Variants in TMEM63A observed in about 807,000 individuals in gnomAD.
TMEM63A encodes mechanosensitive cation channel TMEM63A.
A neutral mutation model predicts 100.6 loss-of-function variants in TMEM63A; 76 were observed. That is an observed-to-expected ratio of 0.76 (90% confidence interval 0.63 to 0.91). TMEM63A has a LOEUF of 0.91. Among genes scored for constraint, TMEM63A ranks in the 40% least tolerant of loss-of-function variants. The pLI, the probability that TMEM63A is intolerant of heterozygous loss-of-function variation, is 0.00. For synonymous variants in TMEM63A, 401 were observed against 401.1 expected, an observed-to-expected ratio of 1.00 and a Z score of 0.00; for missense variants, 876 against 1,008.8, an observed-to-expected ratio of 0.87 and a Z score of 1.78.
rs528939547 is a variant in TMEM63A, at chr1:225,862,144, C to A, written c.1085+74G>T. On this transcript the variant is annotated intron_variant, in intron 13 of 24. Transcript: ENST00000366835. The surrounding 1 kb of genome is among the most constrained non-coding windows in gnomAD (Gnocchi z 5.1). Reference sequence around the variant, plus strand: ...GTGGGTCAGCAGTACCATCTCCACTCGAGAGGGACAGTGAGTTATCTGGAG... The same window carrying A: ...GTGGGTCAGCAGTACCATCTCCACTAGAGAGGGACAGTGAGTTATCTGGAG... 25 of 1,584,388 alleles carry A rather than the reference C, an allele frequency of 1.6e-5. No individual in the cohort carries two copies. Among genetic ancestry groups the A allele is most frequent in the Middle Eastern group, 2.3e-4 (1 of 4,410 alleles).
intron 6 of TMEM63A, among the ~76,000 whole-genome samples, chr1:225,869,710 G>A (rs566474344): frequency 7.9e-6 from 1 of 126,630 alleles, no homozygotes; most frequent in South Asian, 2.4e-4. Flanking sequence ...CACTCAGGCT[G>A]GAGTTGCAGT....
rs1047221045 is a variant in TMEM63A at position 225,852,834 on chromosome 1, C to G, written c.1798-65G>C. 51 of 1,457,400 alleles carry G rather than the reference C, an allele frequency of 3.5e-5. No homozygotes were observed. In the Middle Eastern group the frequency reaches 3.0e-3, roughly 87 times the overall value. 90.3% of individuals were successfully genotyped at this position (1,457,400 alleles called of 1,614,324 possible). On this transcript the variant is annotated intron_variant, in intron 19 of 24. Transcript: ENST00000366835. ...CACCTCAAACACCCTTTTGTGCTCT[C>G]TAAGTGGTGATGGGAGAGCAGGGTG...
chr1:225,853,822 T>G lies in TMEM63A; in HGVS notation c.1635-31A>C. ...GAAACCAGGGCCCAGGTCTGTGAGC[T>G]GAGAGCCGCTCTTGGAGGGAGAGGA... On this transcript the variant is annotated intron_variant, in intron 18 of 24. Transcript: ENST00000366835. The surrounding 1 kb of genome is among the most constrained non-coding windows in gnomAD (Gnocchi z 4.0). 6.4e-7 allele frequency: 1 copy of G among 1,552,160 alleles called. No individual in the cohort carries two copies. Among genetic ancestry groups the G allele is most frequent in the Non-Finnish European group, 8.7e-7 (1 of 1,149,528 alleles).
At chr1:225,845,079 C>T (rs1668831237), downstream of TMEM63A, 2 of 1,569,190 alleles carry the variant, frequency 1.3e-6, no homozygotes, top group Non-Finnish European at 1.8e-6. Flanking sequence ...GCTTTAACCC[C>T]CTGCTGTGCA....
intron 9 of TMEM63A, 144 bp from the exon 10 acceptor site, chr1:225,866,111 G>A (rs1436524109): frequency 5.1e-6 from 4 of 781,200 alleles, no homozygotes; most frequent in African/African-American, 1.7e-5. Flanking sequence ...GGCCGGGGGA[G>A]CCCCCAAAGC....
chr1:225,844,636 G>A, downstream of TMEM63A: 1 of 1,613,756 alleles, frequency 6.2e-7, no homozygotes, highest in Non-Finnish European at 8.5e-7. Flanking sequence ...GAGCCTGGCT[G>A]AGCCGAGAAC....
chr1:225,858,839 G>A (rs1280192324), intron 15 of TMEM63A, among the ~76,000 whole-genome samples: 1 of 151,972 alleles, frequency 6.6e-6, no homozygotes, highest in East Asian at 1.9e-4. Context: ...ATGCTTGATA[G>A]TCTACCAACC....
chr1:225,859,230 T>A lies in TMEM63A; in HGVS notation c.1343A>T (p.Lys448Met). 1 of 1,614,100 alleles carries A rather than the reference T, an allele frequency of 6.2e-7. No individual in the cohort carries two copies. Among genetic ancestry groups the A allele is most frequent in the Non-Finnish European group, 8.5e-7 (1 of 1,180,028 alleles). ...ATGGATGGGTTTGGTGACATTAAAC[T>A]TGTCCATGGTGGACAGGATGATGGA... ...TPSIILSTMD[K>M]FNVTKPIHAL... is the part of the protein sequence containing the mutation. The change falls in exon 15 of 25, where the codon AAG (lysine) becomes ATG (methionine). Residue 448 changes from lysine (K) to methionine (M), a missense_variant. By Grantham distance (95) the Lys-to-Met change is moderately conservative (BLOSUM62 -1). Around this residue, in one of 5 missense-constraint regions of TMEM63A, gnomAD observed 487 missense variants for 581.9 expected, o/e 0.84. Transcript: ENST00000366835.
intron 3 of TMEM63A, among the ~76,000 whole-genome samples, 185 bp from the exon 4 acceptor site, chr1:225,874,552 C>T (rs188738694): frequency 2.0e-5 from 3 of 152,234 alleles, no homozygotes; most frequent in Non-Finnish European, 4.4e-5. Flanking sequence ...CTTTGCTCAC[C>T]CCCTTCACCA....
intron 4 of TMEM63A, among the ~76,000 whole-genome samples, chr1:225,872,446 T>C (rs948441740): frequency 3.9e-5 from 6 of 152,186 alleles, no homozygotes; most frequent in African/African-American, 1.4e-4. Context: ...ATTTGCACAA[T>C]TATTTTATGA....
intron 13 of TMEM63A, 158 bp from the exon 14 acceptor site, chr1:225,861,155 G>A (rs575177533): frequency 2.7e-4 from 190 of 716,386 alleles, no homozygotes; most frequent in Non-Finnish European, 3.8e-4. Context: ...GAGGTGCCAC[G>A]CTAGCACAGT....
chr1:225,870,077 C>T (rs908959847), intron 6 of TMEM63A, among the ~76,000 whole-genome samples: 2 of 152,154 alleles, frequency 1.3e-5, no homozygotes, highest in Non-Finnish European at 2.9e-5. Flanking sequence ...GGGCCGGGCG[C>T]GGTGGCTCAT....
chr1:225,876,354 T>C (rs1670803184), intron 3 of TMEM63A, among the ~76,000 whole-genome samples: 1 of 151,656 alleles, frequency 6.6e-6, no homozygotes, highest in African/African-American at 2.4e-5. Flanking sequence ...CACCCGAGCC[T>C]AGTCTCCAGC....
At position 225,846,804 on chromosome 1, in the gene TMEM63A, C is replaced by T. The variant is rs1669016554; in HGVS notation, c.*135G>A. The T allele has an allele frequency of 4.3e-6, 2 of 460,722 alleles. No individual in the cohort carries two copies. The highest frequency in any genetic ancestry group is 7.5e-6 in the Non-Finnish European group (2 of 265,798). The allele number at this position is 460,722 out of a possible 1,614,324, so 28.5% of individuals were successfully genotyped here. A position where few individuals can be genotyped will look rare whatever the true frequency, so the allele number is the denominator to read the frequency against. On this transcript the variant is annotated 3_prime_UTR_variant, in exon 25 of 25. Transcript: ENST00000366835. ...GAGGGGCGAGGCCTGCCTGTGCTCTCCTCACCACTGCTGGGACCAGAAAAG... is the reference window on the plus strand; with the variant it reads ...GAGGGGCGAGGCCTGCCTGTGCTCTTCTCACCACTGCTGGGACCAGAAAAG...
At chr1:225,858,376 A>G (rs1576083378) in intron 15 of TMEM63A, among the ~76,000 whole-genome samples, 1 of 128,250 alleles carries the variant, frequency 7.8e-6, no homozygotes, top group Admixed American at 9.6e-5. Flanking sequence ...CCCAGGCTGG[A>G]GTGCAGTGGT....
chr1:225,870,668 TAA>T (rs1416887831), intron 6 of TMEM63A, among the ~76,000 whole-genome samples: 1 of 152,238 alleles, frequency 6.6e-6, no homozygotes, highest in Non-Finnish European at 1.5e-5. Context: ...TGTTAAATAT[TAA>T]GTTGAATAAT....
Position 225,866,704 on chromosome 1 carries a change from A to T in TMEM63A, c.567-22T>A, listed in dbSNP as rs1353970035. On this transcript the variant is annotated intron_variant, in intron 8 of 24. Coordinates refer to ENST00000366835, the MANE Select transcript of TMEM63A (RefSeq NM_014698.3). ...ATTGCTGAGAGGGAAACCACCTGCC[A>T]TCAGGGCTGGGATCCCAGGCAGGGA... The T allele has an allele frequency of 5.6e-6, 9 of 1,610,774 alleles. No individual in the cohort carries two copies. In the East Asian group the frequency reaches 2.0e-4, roughly 36 times the overall value.
chr1:225,867,801 GGGTTCT>G lies in TMEM63A; in HGVS notation c.514+81_514+86del. 6.5e-7 allele frequency: 1 copy of G among 1,541,764 alleles called. No homozygotes were observed. Among genetic ancestry groups the G allele is most frequent in the Non-Finnish European group, 8.8e-7 (1 of 1,131,294 alleles). ...CATCTGAAGTGGGGCATGACTCCTGGGGTTCTGGTCTACCACAGTGAGCCCTTTCCC... is the reference window on the plus strand; with the variant it reads ...CATCTGAAGTGGGGCATGACTCCTGGGGTCTACCACAGTGAGCCCTTTCCC... On this transcript the variant is annotated intron_variant, in intron 7 of 24. Transcript: ENST00000366835. The surrounding 1 kb of genome is among the most constrained non-coding windows in gnomAD (Gnocchi z 4.6).
At chr1:225,881,567 C>A (rs1024354521) in intron 1 of TMEM63A, among the ~76,000 whole-genome samples, 2 of 152,148 alleles carry the variant, frequency 1.3e-5, no homozygotes, top group Admixed American at 1.3e-4. Context: ...CCTCGGCTTC[C>A]GTTCATATCC....
Sources: allele counts gnomAD v4.1 joint callset (sites outside exome capture counted in the v4.1 genomes callset), GRCh38; gene constraint gnomAD v4.1.1; regional missense constraint gnomAD v4.1.1; non-coding constraint Gnocchi (gnomAD v3.1); transcripts MANE v1.5; gene names NCBI Gene and HGNC (gene_info 2026-07-23, HGNC 2026-07-21).